The following TRPM3 variants were observed in gnomAD, a reference collection of about 807,000 sequenced individuals.
The protein encoded by TRPM3 is long transient receptor potential channel 3.
In TRPM3, 77 loss-of-function variants were observed where a neutral mutation model predicts 181.2. The observed-to-expected ratio is 0.42, with a 90% CI of 0.35 to 0.51. The LOEUF is 0.51. Ranked by LOEUF, TRPM3 falls within the 20% of genes least tolerant of loss-of-function variation. The pLI is 0.01. For missense variants in TRPM3, 1,759 were observed against 2,196.7 expected, an observed-to-expected ratio of 0.80 and a Z score of 3.98; for synonymous variants, 745 against 796.4, an observed-to-expected ratio of 0.94 and a Z score of 1.09.
At chr9:70,611,294 CA>C (rs2061960073) in intron 18 of TRPM3, among the ~76,000 whole-genome samples, 1 of 152,192 alleles carries the variant, frequency 6.6e-6, no homozygotes. Flanking sequence ...TGTCCCCACC[CA>C]AATCTCATCT....
At chr9:70,835,001 G>A (rs1428059031) in intron 5 of TRPM3, among the ~76,000 whole-genome samples, 1 of 152,114 alleles carries the variant, frequency 6.6e-6, no homozygotes, top group Admixed American at 6.5e-5. Flanking sequence ...TGAATGACTT[G>A]GTGCCCTCCC....
At chr9:70,894,031 T>C (rs2096248742) in intron 1 of TRPM3, among the ~76,000 whole-genome samples, 1 of 152,222 alleles carries the variant, frequency 6.6e-6, no homozygotes, top group African/African-American at 2.4e-5. Flanking sequence ...GGGTCACGGA[T>C]GTCCAGGAAC....
At chr9:70,562,637 G>T (rs2049413429) in intron 22 of TRPM3, among the ~76,000 whole-genome samples, 1 of 136,320 alleles carries the variant, frequency 7.3e-6, no homozygotes, top group South Asian at 2.8e-4. Flanking sequence ...GGTATGGGGG[G>T]AAGAGCGTCC....
chr9:71,128,194 T>A (rs2074162682), intron 1 of TRPM3, among the ~76,000 whole-genome samples: 1 of 152,134 alleles, frequency 6.6e-6, no homozygotes, highest in Non-Finnish European at 1.5e-5. Context: ...AAATAGATAG[T>A]GGTTATGAGA....
chr9:71,404,984 G>T (rs936452035), intron 1 of TRPM3, among the ~76,000 whole-genome samples: 7 of 152,030 alleles, frequency 4.6e-5, no homozygotes, highest in African/African-American at 1.7e-4. Context: ...GACCCCTTCG[G>T]CTCCTGCAGT....
At chr9:70,876,885 A>C (rs533067511) in intron 1 of TRPM3, among the ~76,000 whole-genome samples, 105 of 152,092 alleles carry the variant, frequency 6.9e-4, no homozygotes, top group African/African-American at 2.5e-3. Context: ...GTTGAGAAGA[A>C]AATACAGTCT....
chr9:71,017,883 C>A (rs536985850), intron 1 of TRPM3, among the ~76,000 whole-genome samples: 1 of 151,938 alleles, frequency 6.6e-6, no homozygotes, highest in South Asian at 2.1e-4. Flanking sequence ...CATATATGTT[C>A]TTTCCAAGTA....
chr9:70,939,801 C>T (rs753975821), intron 1 of TRPM3, among the ~76,000 whole-genome samples: 1 of 152,162 alleles, frequency 6.6e-6, no homozygotes, highest in Non-Finnish European at 1.5e-5. Context: ...TTGGCATTCT[C>T]ATCTATTGGT....
intron 7 of TRPM3, among the ~76,000 whole-genome samples, chr9:70,762,608 T>C (rs2078342209): frequency 6.6e-6 from 1 of 152,190 alleles, no homozygotes; most frequent in South Asian, 2.1e-4. Flanking sequence ...ATAATTTACC[T>C]AGTATTTTAC....
chr9:70,775,721 A>C (rs1162300567), intron 7 of TRPM3: 1 of 152,154 alleles, frequency 6.6e-6, no homozygotes, highest in Non-Finnish European at 1.5e-5. Flanking sequence ...TTTGAAATGC[A>C]AATTACCTGA....
At chr9:71,141,396 C>T (rs934388918) in intron 1 of TRPM3, among the ~76,000 whole-genome samples, 1 of 152,012 alleles carries the variant, frequency 6.6e-6, no homozygotes, top group Admixed American at 6.6e-5. Flanking sequence ...GTTCAAAAAC[C>T]ACCCCTACAG....
At chr9:71,214,158 A>G (rs2064821314) in intron 1 of TRPM3, among the ~76,000 whole-genome samples, 1 of 152,170 alleles carries the variant, frequency 6.6e-6, no homozygotes, top group Non-Finnish European at 1.5e-5. Context: ...ATTTGACATT[A>G]ATAAACAAGG....
At chr9:71,386,344 G>A (rs542062051) in intron 1 of TRPM3, among the ~76,000 whole-genome samples, 1 of 151,856 alleles carries the variant, frequency 6.6e-6, no homozygotes, top group Non-Finnish European at 1.5e-5. Flanking sequence ...AGCTACTTGG[G>A]AGGCTGAGAC....
chr9:71,121,227 A>T lies in TRPM3; in HGVS notation c.128T>A (p.Ile43Asn). 6.2e-7 allele frequency: 1 copy of T among 1,614,134 alleles called. No homozygotes were observed. Among genetic ancestry groups the T allele is most frequent in the Non-Finnish European group, 8.5e-7 (1 of 1,179,980 alleles). ...AAAGGCTGCGTGGCACAGCTTCCGGATGGTCCAGTTTAGGGGTCGAGGAGC... is the reference window on the plus strand; with the variant it reads ...AAAGGCTGCGTGGCACAGCTTCCGGTTGGTCCAGTTTAGGGGTCGAGGAGC... ...ADAPRPLNWT[I>N]RKLCHAAFLP... The change falls in exon 1 of 26, where the codon ATC becomes AAC. Residue 43 changes from isoleucine (I) to asparagine (N), a missense_variant. Around this residue, in one of 8 missense-constraint regions of TRPM3, gnomAD observed 737 missense variants for 957.4 expected, o/e 0.77. Coordinates refer to ENST00000677713, the MANE Select transcript of TRPM3 (RefSeq NM_001366145.2).
intron 1 of TRPM3, among the ~76,000 whole-genome samples, chr9:70,949,925 T>C (rs1268603909): frequency 6.6e-6 from 1 of 152,196 alleles, no homozygotes; most frequent in East Asian, 1.9e-4. Flanking sequence ...TTCTTTCCCA[T>C]GCCTAACCTA....
chr9:71,375,462 G>T (rs887509412), intron 1 of TRPM3, among the ~76,000 whole-genome samples: 1 of 152,108 alleles, frequency 6.6e-6, no homozygotes, highest in South Asian at 2.1e-4. Context: ...ACATAGGCAT[G>T]GGCAAAGATT....
chr9:71,369,900 A>G (rs535435616), intron 1 of TRPM3, among the ~76,000 whole-genome samples: 1 of 152,272 alleles, frequency 6.6e-6, no homozygotes, highest in Admixed American at 6.5e-5. Context: ...CCCCAACAGC[A>G]TGTGCTCACT....
chr9:70,922,472 T>C (rs1451117481), intron 1 of TRPM3, among the ~76,000 whole-genome samples: 1 of 152,248 alleles, frequency 6.6e-6, no homozygotes, highest in Non-Finnish European at 1.5e-5. Context: ...TAATGTTATA[T>C]AATTTATATC....
intron 1 of TRPM3, among the ~76,000 whole-genome samples, chr9:70,886,951 C>A (rs992347343): frequency 3.3e-5 from 5 of 152,186 alleles, no homozygotes; most frequent in Admixed American, 6.5e-5. Flanking sequence ...AGGTGTGAAC[C>A]ACCGTGCCCG....
Sources: gnomAD v4.1 joint callset for allele counts (sites outside exome capture counted in the v4.1 genomes callset) on GRCh38, gnomAD v4.1.1 for gene constraint, gnomAD v4.1.1 regional missense constraint, MANE v1.5 for transcripts, NCBI Gene and HGNC (gene_info 2026-07-23, HGNC 2026-07-21) for gene names.